The following CRISPLD1 variants were observed in gnomAD, a reference collection of about 807,000 sequenced individuals.
CRISPLD1 encodes cysteine-rich secretory protein LCCL domain-containing 1.
A neutral mutation model predicts 77.5 loss-of-function variants in CRISPLD1; 60 were observed. The observed-to-expected ratio is 0.77, with a 90% CI of 0.63 to 0.96. CRISPLD1 has a LOEUF of 0.96. CRISPLD1 is among the 40% of genes least tolerant of loss of function. The pLI is 0.00. For synonymous variants in CRISPLD1, 195 were observed against 200.1 expected, an observed-to-expected ratio of 0.97 and a Z score of 0.22; for missense variants, 623 against 615.8, an observed-to-expected ratio of 1.01 and a Z score of -0.12.
At chr8:74,991,083 C>G (rs1812566453) in intron 2 of CRISPLD1, among the ~76,000 whole-genome samples, 2 of 152,112 alleles carry the variant, frequency 1.3e-5, no homozygotes, top group African/African-American at 2.4e-5. Flanking sequence ...ACCTCCACCT[C>G]CAAAGTTTAA....
chr8:75,016,226 C>T, intron 6 of CRISPLD1, among the ~76,000 whole-genome samples: 1 of 152,098 alleles, frequency 6.6e-6, no homozygotes, highest in East Asian at 1.9e-4. Context: ...TTTGATTTTG[C>T]TAAGCCATGA....
intron 2 of CRISPLD1, among the ~76,000 whole-genome samples, chr8:74,997,675 G>C (rs1422317889): frequency 6.6e-6 from 1 of 152,188 alleles, no homozygotes; most frequent in Admixed American, 6.5e-5. Flanking sequence ...TGAGCCGAAA[G>C]AAGTTAGCTG....
At position 75,033,806 on chromosome 8, in the gene CRISPLD1, C is replaced by T. The variant is rs1237201782; in HGVS notation, c.*1564C>T. On this transcript the variant is annotated 3_prime_UTR_variant, in exon 15 of 15. Coordinates refer to ENST00000262207, the MANE Select transcript of CRISPLD1 (RefSeq NM_031461.6). ...AGTACTGGCTTACAGCTAAGTGGTTCCAAATACTGGTAATTAAAACAATGA... is the reference window on the plus strand; with the variant it reads ...AGTACTGGCTTACAGCTAAGTGGTTTCAAATACTGGTAATTAAAACAATGA... The T allele has an allele frequency of 6.7e-6, 1 of 150,014 alleles. No individual in the cohort carries two copies. 9.3% of individuals were successfully genotyped at this position (150,014 alleles called of 1,614,324 possible).
chr8:75,019,733 C>T, intron 10 of CRISPLD1, 137 bp from the exon 11 acceptor site: 2 of 656,612 alleles, frequency 3.0e-6, no homozygotes, highest in Non-Finnish European at 5.4e-6. Flanking sequence ...ATGATGTATT[C>T]TTATATTGCT....
chr8:75,019,211 A>G (rs1813090113), intron 10 of CRISPLD1, among the ~76,000 whole-genome samples: 1 of 152,178 alleles, frequency 6.6e-6, no homozygotes. Context: ...GAATTGTTGA[A>G]ACTTTACACC....
At chr8:74,986,846 C>T (rs1812504799) in intron 2 of CRISPLD1, among the ~76,000 whole-genome samples, 1 of 152,120 alleles carries the variant, frequency 6.6e-6, no homozygotes, top group Admixed American at 6.5e-5. Flanking sequence ...TTCAGCTTAT[C>T]CTTAACAACC....
chr8:74,992,495 C>A (rs1812586785), intron 2 of CRISPLD1, among the ~76,000 whole-genome samples: 1 of 152,156 alleles, frequency 6.6e-6, no homozygotes, highest in South Asian at 2.1e-4. Flanking sequence ...AAATAGTTTG[C>A]TACTATACAA....
chr8:75,005,440 T>A (rs897943261), intron 2 of CRISPLD1, among the ~76,000 whole-genome samples: 160 of 152,126 alleles, frequency 1.1e-3, no homozygotes, highest in African/African-American at 3.7e-3. Context: ...TCTTCCAGGG[T>A]GTTTCATGTA....
intron 12 of CRISPLD1, among the ~76,000 whole-genome samples, chr8:75,025,269 T>C (rs1442544054): frequency 1.3e-5 from 2 of 152,164 alleles, no homozygotes; most frequent in Non-Finnish European, 2.9e-5. Context: ...CTCAGATACA[T>C]TGAGATGCTT....
At chr8:75,002,925 A>G (rs560909143) in intron 2 of CRISPLD1, among the ~76,000 whole-genome samples, 33 of 152,322 alleles carry the variant, frequency 2.2e-4, no homozygotes, top group African/African-American at 7.2e-4. Context: ...TTCTTTAAAA[A>G]ATCATCCTTT....
chr8:75,022,818 C>T (rs903419447), intron 12 of CRISPLD1, among the ~76,000 whole-genome samples: 27 of 152,034 alleles, frequency 1.8e-4, no homozygotes, highest in African/African-American at 6.5e-4. Context: ...AAGATTCCTG[C>T]AAGTCATGTC....
At chr8:75,000,516 C>T (rs1812722173) in intron 2 of CRISPLD1, 1 of 739,512 alleles carries the variant, frequency 1.4e-6, no homozygotes, top group Non-Finnish European at 1.7e-6. Flanking sequence ...CTTGCCAAGC[C>T]TGCTGCCCTT....
chr8:75,004,674 A>C (rs1812798922), intron 2 of CRISPLD1, among the ~76,000 whole-genome samples: 1 of 152,108 alleles, frequency 6.6e-6, no homozygotes, highest in Non-Finnish European at 1.5e-5. Flanking sequence ...GGATCGAAAT[A>C]AGATGGATGA....
chr8:75,017,265 C>G, intron 9 of CRISPLD1, 55 bp from the exon 10 acceptor site: 1 of 1,591,174 alleles, frequency 6.3e-7, no homozygotes, highest in South Asian at 1.1e-5. Flanking sequence ...ATAGTTGGGA[C>G]TTATGCAGAA....
chr8:74,992,237 A>T (rs940830660), intron 2 of CRISPLD1, among the ~76,000 whole-genome samples: 6 of 152,216 alleles, frequency 3.9e-5, no homozygotes, highest in Non-Finnish European at 8.8e-5. Context: ...AAAACCAGAG[A>T]TATCGATGTG....
At chr8:75,004,966 G>A (rs1812804129) in intron 2 of CRISPLD1, among the ~76,000 whole-genome samples, 1 of 152,090 alleles carries the variant, frequency 6.6e-6, no homozygotes, top group African/African-American at 2.4e-5. Flanking sequence ...TAAATGGAAA[G>A]TTTTATTGAA....
At chr8:75,030,501 G>T (rs761039988) in intron 14 of CRISPLD1, among the ~76,000 whole-genome samples, 1 of 151,972 alleles carries the variant, frequency 6.6e-6, no homozygotes, top group Non-Finnish European at 1.5e-5. Context: ...TGTATGCCTC[G>T]TAATTCTTAG....
chr8:74,995,485 G>A (rs1220934498), intron 2 of CRISPLD1, among the ~76,000 whole-genome samples: 1 of 152,154 alleles, frequency 6.6e-6, no homozygotes, highest in African/African-American at 2.4e-5. Context: ...AGTTCCCACA[G>A]TCCTTTGTTT....
intron 12 of CRISPLD1, among the ~76,000 whole-genome samples, chr8:75,025,344 G>A (rs983919637): frequency 2.0e-5 from 3 of 151,830 alleles, no homozygotes; most frequent in Non-Finnish European, 4.4e-5. Flanking sequence ...TTTTTTAAAT[G>A]ACATTTATGC....
Sources: allele counts gnomAD v4.1 joint callset (sites outside exome capture counted in the v4.1 genomes callset), GRCh38; gene constraint gnomAD v4.1.1; transcripts MANE v1.5; gene names NCBI Gene and HGNC (gene_info 2026-07-23, HGNC 2026-07-21).